The following ETS1 variants were observed in gnomAD, a reference collection of about 807,000 sequenced individuals.
ETS1 encodes ETS proto-oncogene 1, transcription factor.
In ETS1, 15 loss-of-function variants were observed where a neutral mutation model predicts 58.6. The ratio of observed to expected loss-of-function variants is 0.26; its 90% confidence interval spans 0.17 to 0.39. ETS1 has a LOEUF of 0.39. Ranked by LOEUF, ETS1 falls within the 10% of genes least tolerant of loss-of-function variation. The pLI, the probability that ETS1 is intolerant of heterozygous loss-of-function variation, is 1.00. For synonymous variants in ETS1, 214 were observed against 218.2 expected (o/e 0.98, Z 0.17); for missense variants, 417 against 610.5 (o/e 0.68, Z 3.34).
chr11:128,553,873 T>C (rs1591658953), intron 3 of ETS1, among the ~76,000 whole-genome samples: 1 of 151,970 alleles, frequency 6.6e-6, no homozygotes, highest in African/African-American at 2.4e-5. Context: ...GGGGGAGCAG[T>C]GGTGGGCAGT....
At chr11:128,571,388 G>A (rs1045109334) in intron 2 of ETS1, among the ~76,000 whole-genome samples, 12 of 151,600 alleles carry the variant, frequency 7.9e-5, no homozygotes, top group Admixed American at 6.6e-4. Flanking sequence ...CAGCACTCCA[G>A]CCTGGGTGAC....
chr11:128,542,566 T>TA (rs35929205), intron 3 of ETS1, among the ~76,000 whole-genome samples: 84 of 150,488 alleles, frequency 5.6e-4, no homozygotes, highest in Middle Eastern at 6.9e-3. Context: ...GTTAAGGTAT[T>TA]AAAAAAAAAA....
intron 3 of ETS1, among the ~76,000 whole-genome samples, chr11:128,523,511 T>C (rs1397851520): frequency 6.6e-6 from 1 of 152,276 alleles, no homozygotes; most frequent in East Asian, 1.9e-4. Context: ...TCCTGATTTC[T>C]AAGCACATTT....
chr11:128,556,855 A>T (rs970803586), intron 2 of ETS1, among the ~76,000 whole-genome samples: 1 of 152,156 alleles, frequency 6.6e-6, no homozygotes, highest in African/African-American at 2.4e-5. Context: ...TAAATGATAC[A>T]TGCCAAAGGA....
intron 4 of ETS1, among the ~76,000 whole-genome samples, chr11:128,489,977 T>A (rs1012520342): frequency 1.3e-5 from 2 of 152,254 alleles, no homozygotes; most frequent in Admixed American, 6.5e-5. Context: ...GTAGTAGTCA[T>A]TCATTCAAAT....
intron 8 of ETS1, among the ~76,000 whole-genome samples, chr11:128,472,582 C>T (rs1244314865): frequency 6.6e-6 from 1 of 152,188 alleles, no homozygotes; most frequent in Non-Finnish European, 1.5e-5. Flanking sequence ...CTTCAGGGAA[C>T]ATAATTGACT....
intron 3 of ETS1, among the ~76,000 whole-genome samples, chr11:128,548,132 A>AAGGAAAGGGAAGGGAAGGG (rs1864161580): frequency 4.5e-4 from 38 of 84,040 alleles, no homozygotes; most frequent in African/African-American, 2.3e-3. Flanking sequence ...AAAGGAAAGG[A>AAGGAAAGGGAAGGGAAGGG]AAGGGAAGGG....
chr11:128,574,221 T>A (rs978488162), intron 1 of ETS1, among the ~76,000 whole-genome samples: 4 of 152,184 alleles, frequency 2.6e-5, no homozygotes, highest in Non-Finnish European at 4.4e-5. Flanking sequence ...GCTACTAATA[T>A]CATATGGTTA....
In ETS1 at chr11:128,462,119, C is replaced by A; in HGVS notation, c.*242G>T. ...GAGCCTTCAAGCTTCTGAGAAGGCC[C>A]TTCTCCCTCTCCTGAAAATTTGCTC... On this transcript the variant is annotated 3_prime_UTR_variant, in exon 10 of 10. Transcript: ENST00000392668. 2.0e-6 allele frequency: 1 copy of A among 502,876 alleles called. No homozygotes were observed. The highest frequency in any genetic ancestry group is 3.6e-6 in the Non-Finnish European group (1 of 280,414). The allele number at this position is 502,876 out of a possible 1,614,324, so 31.2% of individuals were successfully genotyped here. A position where few individuals can be genotyped will look rare whatever the true frequency, so the allele number is the denominator to read the frequency against.
intron 8 of ETS1, among the ~76,000 whole-genome samples, chr11:128,477,013 G>A (rs530431325): frequency 6.6e-6 from 1 of 152,364 alleles, no homozygotes; most frequent in South Asian, 2.1e-4. Flanking sequence ...CTGTGCAGGA[G>A]AATGTGAAAA....
intron 3 of ETS1, among the ~76,000 whole-genome samples, chr11:128,543,201 A>G (rs1230113088): frequency 1.3e-5 from 2 of 152,060 alleles, no homozygotes; most frequent in East Asian, 3.9e-4. Context: ...CTCAAAAAAA[A>G]AAAAAAAAAT....
At chr11:128,537,960 A>G (rs2135538689) in intron 3 of ETS1, among the ~76,000 whole-genome samples, 1 of 152,320 alleles carries the variant, frequency 6.6e-6, no homozygotes, top group South Asian at 2.1e-4. Flanking sequence ...GACACCTTCA[A>G]TATAAGAGGT....
intron 3 of ETS1, among the ~76,000 whole-genome samples, chr11:128,491,657 G>A (rs1862804252): frequency 6.6e-6 from 1 of 152,236 alleles, no homozygotes; most frequent in African/African-American, 2.4e-5. Context: ...TTAGGGGTGA[G>A]TATGAATGGA....
chr11:128,548,659 T>C (rs1050760748), intron 3 of ETS1, among the ~76,000 whole-genome samples: 11 of 152,200 alleles, frequency 7.2e-5, no homozygotes, highest in Non-Finnish European at 1.6e-4. Context: ...GCCCAGGCGC[T>C]GCCACAGGCC....
intron 3 of ETS1, among the ~76,000 whole-genome samples, chr11:128,534,897 G>A (rs1369787945): frequency 1.3e-5 from 2 of 152,146 alleles, no homozygotes; most frequent in African/African-American, 2.4e-5. Context: ...ACGCGTGCAT[G>A]TTATCTTTAT....
At chr11:128,531,240 A>G (rs1228311238) in intron 3 of ETS1, among the ~76,000 whole-genome samples, 1 of 152,214 alleles carries the variant, frequency 6.6e-6, no homozygotes, top group Non-Finnish European at 1.5e-5. Context: ...GACCTCAGAA[A>G]GCCTCAGTTT....
chr11:128,535,369 C>A (rs1224841572), intron 3 of ETS1, among the ~76,000 whole-genome samples: 2 of 152,146 alleles, frequency 1.3e-5, no homozygotes, highest in Non-Finnish European at 2.9e-5. Flanking sequence ...TTCTCCCATT[C>A]TGTAGGTTGT....
In ETS1 at chr11:128,480,401, A is replaced by T. The variant is rs775143735; in HGVS notation, c.913T>A (p.Cys305Ser). 6.2e-7 allele frequency: 1 copy of T among 1,614,046 alleles called. No homozygotes were observed. The highest frequency in any genetic ancestry group is 2.2e-5 in the East Asian group (1 of 44,860). Residue 305 changes from cysteine (C) to serine (S), a missense_variant, in exon 8 of 10, where the codon TGT becomes AGT. By Grantham distance (112) the Cys-to-Ser change is moderately radical (BLOSUM62 -1). This residue lies in a region of ETS1 where 139 missense variants were observed against 152.1 expected (regional missense o/e 0.91). Transcript: ENST00000392668. The part of the protein sequence containing the change: ...SFESIESYDS[C>S]DRLTQSWSSQ... The stretch of plus-strand genomic sequence containing the variant: ...CTCCAGGACTGGGTGAGGCGATCAC[A>T]ACTATCGTAGCTCTCTATGCTTTCA...
chr11:128,526,807 AC>A (rs1398624775), intron 3 of ETS1: 1 of 393,670 alleles, frequency 2.5e-6, no homozygotes, highest in Non-Finnish European at 5.0e-6. Context: ...TGGAGACAAA[AC>A]CTTAGGTCTT....
Sources: gnomAD v4.1 joint callset for allele counts (sites outside exome capture counted in the v4.1 genomes callset) on GRCh38, gnomAD v4.1.1 for gene constraint, gnomAD v4.1.1 regional missense constraint, MANE v1.5 for transcripts, NCBI Gene and HGNC (gene_info 2026-07-23, HGNC 2026-07-21) for gene names.